The following PPP2R5C variants were observed in gnomAD, a reference collection of about 807,000 sequenced individuals.
The protein encoded by PPP2R5C is protein phosphatase 2 regulatory subunit B'gamma, also known as serine/threonine-protein phosphatase 2A 56 kDa regulatory subunit gamma isoform.
In PPP2R5C, 7 loss-of-function variants were observed where a neutral mutation model predicts 68.9. The observed-to-expected ratio is 0.10, with a 90% CI of 0.06 to 0.19. The LOEUF (loss-of-function observed/expected upper bound fraction) is 0.19. Ranked by LOEUF, PPP2R5C falls within the 10% of genes least tolerant of loss-of-function variation. The pLI is 1.00. For synonymous variants in PPP2R5C, 210 were observed against 222.2 expected, an observed-to-expected ratio of 0.95 and a Z score of 0.49; for missense variants, 348 against 641.3, an observed-to-expected ratio of 0.54 and a Z score of 4.94.
intron 3 of PPP2R5C, among the ~76,000 whole-genome samples, chr14:101,798,677 G>T (rs753027829): frequency 6.6e-6 from 1 of 152,264 alleles, no homozygotes; most frequent in Non-Finnish European, 1.5e-5. Flanking sequence ...AGACCATATT[G>T]AGCACTGTGG....
At position 101,899,936 on chromosome 14, in the gene PPP2R5C, G is replaced by C. The variant is rs1046363769; in HGVS notation, c.853-1783G>C. Among the ~76,000 whole-genome samples, 1 of 151,924 alleles carries C rather than the reference G, an allele frequency of 6.6e-6. No individual in the cohort carries two copies. The highest frequency in any genetic ancestry group is 2.4e-5 in the African/African-American group (1 of 41,324). On this transcript the variant is annotated intron_variant, in intron 8 of 13. Transcript: ENST00000334743. This position sits in a 1 kb window ranked among gnomAD's most constrained non-coding sequence, Gnocchi z 4.2. ...TTTTTGTTTGTTTGTTAGATTCTTGGAGTACAGTGGCGCAGTCATGGCTCA... is the reference window on the plus strand; with the variant it reads ...TTTTTGTTTGTTTGTTAGATTCTTGCAGTACAGTGGCGCAGTCATGGCTCA...
At chr14:101,887,167 T>A (rs1282352139) in intron 5 of PPP2R5C, among the ~76,000 whole-genome samples, 1 of 152,256 alleles carries the variant, frequency 6.6e-6, no homozygotes, top group Non-Finnish European at 1.5e-5. Flanking sequence ...TACCGTCAGC[T>A]TAAGTGTGAG....
At chr14:101,796,952 TTTA>T in intron 3 of PPP2R5C, 1 of 324,760 alleles carries the variant, frequency 3.1e-6, no homozygotes, top group South Asian at 2.5e-5. Context: ...AAACATAATA[TTTA>T]TTATTTTAAC....
intron 3 of PPP2R5C, among the ~76,000 whole-genome samples, chr14:101,787,776 A>AG (rs954282756): frequency 6.6e-6 from 1 of 151,868 alleles, no homozygotes; most frequent in African/African-American, 2.4e-5. Flanking sequence ...CAAAAAAAAA[A>AG]AAAAAAAAAA....
chr14:101,761,434 C>T (rs1472806468), upstream of PPP2R5C, among the ~76,000 whole-genome samples: 2 of 151,392 alleles, frequency 1.3e-5, no homozygotes, highest in Non-Finnish European at 3.0e-5. Context: ...CGCGGCCTGC[C>T]TGAGGCCGGC....
chr14:101,831,975 A>C (rs886897713), intron 1 of PPP2R5C, among the ~76,000 whole-genome samples: 1 of 152,214 alleles, frequency 6.6e-6, no homozygotes, highest in South Asian at 2.1e-4. Flanking sequence ...ATAGCCTTGG[A>C]ACCATGGAAA....
chr14:101,842,764 T>TTC (rs1421197539), intron 1 of PPP2R5C, among the ~76,000 whole-genome samples: 1 of 150,734 alleles, frequency 6.6e-6, no homozygotes, highest in East Asian at 1.9e-4. Context: ...TTTCTTTTTT[T>TTC]TTTTTTTTTA....
At chr14:101,874,050 C>T (rs2043593619) in intron 2 of PPP2R5C, among the ~76,000 whole-genome samples, 2 of 152,232 alleles carry the variant, frequency 1.3e-5, no homozygotes, top group African/African-American at 4.8e-5. Flanking sequence ...ACTCAATAAA[C>T]ACTTAACTCC....
intron 2 of PPP2R5C, among the ~76,000 whole-genome samples, chr14:101,775,902 C>G (rs1025440678): frequency 3.3e-5 from 5 of 152,124 alleles, no homozygotes; most frequent in Non-Finnish European, 5.9e-5. Context: ...CATCCTCCCC[C>G]AGGGACCCCG....
intron 7 of PPP2R5C, 54 bp from the exon 10 acceptor site, chr14:101,894,453 A>G (rs2045168471): frequency 6.5e-7 from 1 of 1,534,524 alleles, no homozygotes; most frequent in Non-Finnish European, 9.0e-7. Flanking sequence ...TAGAAGAAGC[A>G]CAGCAGCATT....
intron 1 of PPP2R5C, chr14:101,843,825 A>G: frequency 4.6e-6 from 1 of 217,062 alleles, no homozygotes; most frequent in Non-Finnish European, 9.5e-6. Flanking sequence ...GAAGAGTTTC[A>G]CATCCTCCTG....
intron 2 of PPP2R5C, among the ~76,000 whole-genome samples, chr14:101,773,893 CTG>C (rs1206621375): frequency 5.3e-5 from 8 of 152,218 alleles, no homozygotes; most frequent in African/African-American, 1.7e-4. Flanking sequence ...AGGGGTCTCA[CTG>C]TGTCAGCCAG....
intron 2 of PPP2R5C, among the ~76,000 whole-genome samples, chr14:101,868,337 T>A (rs2043202238): frequency 6.6e-6 from 1 of 152,228 alleles, no homozygotes; most frequent in African/African-American, 2.4e-5. Flanking sequence ...CCTTTGATGT[T>A]TTTAAATTAT....
At chr14:101,903,595 T>C (rs145155207) in intron 9 of PPP2R5C, among the ~76,000 whole-genome samples, 2 of 152,200 alleles carry the variant, frequency 1.3e-5, no homozygotes, top group South Asian at 2.1e-4. Context: ...TGGCTTCTGC[T>C]TCTTAGAGGA....
In PPP2R5C at chr14:101,882,060, A is replaced by G; in HGVS notation, c.295-101A>G. On this transcript the variant is annotated intron_variant, in intron 2 of 13. Transcript: ENST00000334743. This position sits in a 1 kb window ranked among gnomAD's most constrained non-coding sequence, Gnocchi z 4.9. ...GAGGATACGGAGGAGCTAAGTTACC[A>G]TGGGAAGCGGCTACTGTTAGAATTA... 1 of 962,112 alleles carries G rather than the reference A, an allele frequency of 1.0e-6. No homozygotes were observed. Among genetic ancestry groups the G allele is most frequent in the Non-Finnish European group, 1.5e-6 (1 of 669,644 alleles). The allele number at this position is 962,112 out of a possible 1,614,324, so 59.6% of individuals were successfully genotyped here.
At chr14:101,864,609 AC>A (rs2140679693) in intron 2 of PPP2R5C, among the ~76,000 whole-genome samples, 2 of 152,294 alleles carry the variant, frequency 1.3e-5, no homozygotes, top group African/African-American at 4.8e-5. Flanking sequence ...TGGCCTCTCT[AC>A]ACCAGCGGCC....
intron 3 of PPP2R5C, among the ~76,000 whole-genome samples, chr14:101,789,184 T>C (rs1244343385): frequency 6.6e-6 from 1 of 152,236 alleles, no homozygotes; most frequent in East Asian, 1.9e-4. Context: ...TATGCCAACA[T>C]AGACTAGTTA....
intron 12 of PPP2R5C, chr14:101,914,255 G>C: frequency 4.4e-6 from 2 of 451,884 alleles, no homozygotes; most frequent in Non-Finnish European, 8.9e-6. Context: ...TGTCTGTGTT[G>C]ACGCCATCTG....
chr14:101,814,652 G>A (rs1356385761), intron 1 of PPP2R5C, among the ~76,000 whole-genome samples: 1 of 152,162 alleles, frequency 6.6e-6, no homozygotes, highest in African/African-American at 2.4e-5. Context: ...AAAGTATGTT[G>A]TGTAGAGGAA....
Sources: allele counts gnomAD v4.1 joint callset (sites outside exome capture counted in the v4.1 genomes callset), GRCh38; gene constraint gnomAD v4.1.1; non-coding constraint Gnocchi (gnomAD v3.1); transcripts MANE v1.5; gene names NCBI Gene and HGNC (gene_info 2026-07-23, HGNC 2026-07-21).